The following LMF1 variants were observed in gnomAD, a reference collection of about 807,000 sequenced individuals.
LMF1 encodes the protein transmembrane protein 112.
In LMF1, 68 loss-of-function variants were observed where a neutral mutation model predicts 60.6. That is an observed-to-expected ratio of 1.12 (90% confidence interval 0.92 to 1.37). The LOEUF (loss-of-function observed/expected upper bound fraction) is 1.37, where lower values mean the gene tolerates loss of function less well. Among genes scored for constraint, LMF1 ranks in the 40% most tolerant of loss-of-function variants. The pLI is 0.00. For missense variants in LMF1, 948 were observed against 767.2 expected (o/e 1.24, Z -2.78); for synonymous variants, 418 against 324.7 (o/e 1.29, Z -3.09).
At chr16:936,387 G>A (rs1385993253) in intron 2 of LMF1, among the ~76,000 whole-genome samples, 1 of 131,452 alleles carries the variant, frequency 7.6e-6, no homozygotes, top group Non-Finnish European at 1.6e-5. Flanking sequence ...GTACCCCGTG[G>A]GCTGAGGAAG....
upstream of LMF1, among the ~76,000 whole-genome samples, chr16:972,112 CTG>C (rs1471673177): frequency 6.6e-6 from 1 of 152,198 alleles, no homozygotes; most frequent in Non-Finnish European, 1.5e-5. Flanking sequence ...CAGGGACTGA[CTG>C]TGGACATCGG....
chr16:860,875 G>A (rs537164387), intron 10 of LMF1, among the ~76,000 whole-genome samples: 4 of 152,296 alleles, frequency 2.6e-5, no homozygotes, highest in East Asian at 3.9e-4. Flanking sequence ...GTTGACTACT[G>A]TAGTTCTGTG....
intron 1 of LMF1, chr16:980,492 T>C (rs572608336): frequency 1.3e-5 from 2 of 152,154 alleles, no homozygotes; most frequent in African/African-American, 2.4e-5. Context: ...CGTGGCTCAG[T>C]GGCTGCAGCG....
rs867879066 is a variant in LMF1 at position 925,029 on chromosome 16, G to A, written c.514+9215C>T. The stretch of plus-strand genomic sequence containing the variant: ...GAGGAGCGGGTGCAGTCAGACCCCC[G>A]TCCGCAGAGTGCTGGGTGCGAGTCC... On this transcript the variant is annotated intron_variant, in intron 3 of 10. Transcript: ENST00000262301. Among the ~76,000 whole-genome samples the A allele has an allele frequency of 2.2e-4, 33 of 152,220 alleles. 1 individual carries two copies. The highest frequency in any genetic ancestry group is 7.2e-4 in the African/African-American group (30 of 41,462).
At chr16:859,838 A>C (rs1322709569) in intron 10 of LMF1, among the ~76,000 whole-genome samples, 2 of 76,842 alleles carry the variant, frequency 2.6e-5, no homozygotes, top group Non-Finnish European at 4.9e-5. Context: ...GATGGGTGTG[A>C]GTGGTGTCAC....
chr16:853,658 A>T lies in LMF1; in HGVS notation c.*874T>A, dbSNP rs1327909611. 2.2e-6 allele frequency: 1 copy of T among 453,166 alleles called. No homozygotes were observed. Among genetic ancestry groups the T allele is most frequent in the Non-Finnish European group, 4.4e-6 (1 of 225,934 alleles). 28.1% of individuals were successfully genotyped at this position (453,166 alleles called of 1,614,324 possible). On this transcript the variant is annotated 3_prime_UTR_variant, in exon 11 of 11. Coordinates refer to ENST00000262301, the MANE Select transcript of LMF1 (RefSeq NM_022773.4). ...GTTTTCGAGTAAGCTGGTAAGTGGTATAATAGGAATAGTAGAAGAATATGC... is the reference window on the plus strand; with the variant it reads ...GTTTTCGAGTAAGCTGGTAAGTGGTTTAATAGGAATAGTAGAAGAATATGC...
In LMF1 at chr16:970,908, G is replaced by GATCCGAGTACCCAGTCTTCCGCCTCCTC; in HGVS notation, c.45_72dup (p.Pro25GlufsTer13). ...GGCGCGGGCGGCGACTCAGGCTCCG[G>GATCCGAGTACCCAGTCTTCCGCCTCCTC]ATCCGAGTACCCAGTCTTCCGCCTC... On this transcript the variant is annotated frameshift_variant, in exon 1 of 11. Coordinates refer to ENST00000262301, the MANE Select transcript of LMF1 (RefSeq NM_022773.4). LOFTEE classifies it high-confidence loss of function. 6.3e-7 allele frequency: 1 copy of GATCCGAGTACCCAGTCTTCCGCCTCCTC among 1,582,574 alleles called. No individual in the cohort carries two copies. The highest frequency in any genetic ancestry group is 1.4e-5 in the African/African-American group (1 of 72,574).
At chr16:861,149 T>C (rs374750945) in intron 10 of LMF1, among the ~76,000 whole-genome samples, 11 of 152,194 alleles carry the variant, frequency 7.2e-5, no homozygotes, top group Admixed American at 3.9e-4. Flanking sequence ...TTCAGCAGCA[T>C]TGCTGAGTTT....
chr16:969,351 A>C (rs1596175225), intron 1 of LMF1, among the ~76,000 whole-genome samples: 1 of 152,054 alleles, frequency 6.6e-6, no homozygotes, highest in East Asian at 1.9e-4. Flanking sequence ...TAGTTGCTTT[A>C]AAGAAAGAGA....
chr16:917,945 C>T (rs976081784), intron 3 of LMF1, among the ~76,000 whole-genome samples: 4 of 152,232 alleles, frequency 2.6e-5, no homozygotes, highest in African/African-American at 7.2e-5. Flanking sequence ...CCATGTCTCA[C>T]GTCCTGAGGA....
intron 3 of LMF1, among the ~76,000 whole-genome samples, chr16:916,539 C>T (rs1214346111): frequency 1.3e-5 from 2 of 152,214 alleles, no homozygotes; most frequent in East Asian, 1.9e-4. Flanking sequence ...TACAGACGCC[C>T]CTGGGGCTGG....
In LMF1 at chr16:943,726, CAA is replaced by C. The variant is rs3057499; in HGVS notation, c.504-9474_504-9473del. ...TGGGGGACAGAATGAGACTCTGTCT[CAA>C]AAAAAAAAAAAAAAAAAAAAAAGAG... On this transcript the variant is annotated intron_variant, in intron 2 of 10. Coordinates refer to ENST00000262301, the MANE Select transcript of LMF1 (RefSeq NM_022773.4). Among the ~76,000 whole-genome samples, 10 of 56,814 alleles carry C rather than the reference CAA, an allele frequency of 1.8e-4. No homozygotes were observed. In the South Asian group the frequency reaches 3.4e-3, roughly 19 times the overall value. 37.3% of individuals were successfully genotyped at this position (56,814 alleles called of 152,430 possible).
rs2069110184 is a variant in LMF1 at position 853,756 on chromosome 16, G to A, written c.*776C>T. On this transcript the variant is annotated 3_prime_UTR_variant, in exon 11 of 11. Coordinates refer to ENST00000262301, the MANE Select transcript of LMF1 (RefSeq NM_022773.4). The stretch of plus-strand genomic sequence containing the variant: ...CTGTTTGTCCGACGATGATGAAAGT[G>A]TGCACGGCCGGCTGTCCTCCGATTG... 1 of 454,032 alleles carries A rather than the reference G, an allele frequency of 2.2e-6. No individual in the cohort carries two copies. The highest frequency in any genetic ancestry group is 4.4e-6 in the Non-Finnish European group (1 of 226,808). 28.1% of individuals were successfully genotyped at this position (454,032 alleles called of 1,614,324 possible).
At chr16:931,623 C>G (rs2151783536) in intron 3 of LMF1, 1 of 1,284,474 alleles carries the variant, frequency 7.8e-7, no homozygotes, top group Non-Finnish European at 1.0e-6. Context: ...GTTCTGAGGC[C>G]CAGCACCCGG....
intron 2 of LMF1, 191 bp from the exon 3 acceptor site, chr16:934,445 G>A (rs1405451753): frequency 1.6e-6 from 1 of 632,436 alleles, no homozygotes; most frequent in Non-Finnish European, 2.8e-6. Flanking sequence ...ACACAGGCAG[G>A]CCCAGAACAG....
At chr16:877,340 ACT>A (rs1205487959) in intron 6 of LMF1, among the ~76,000 whole-genome samples, 3 of 152,030 alleles carry the variant, frequency 2.0e-5, no homozygotes, top group Admixed American at 2.0e-4. Flanking sequence ...AGGAATGGAA[ACT>A]CTGCGTGTCC....
At chr16:868,867 AG>A in intron 10 of LMF1, 76 bp downstream of exon 10, 2 of 901,042 alleles carry the variant, frequency 2.2e-6, no homozygotes. Context: ...GTGGGGGTGC[AG>A]GTACAGGTGG....
At chr16:925,684 C>T (rs377472458) in intron 3 of LMF1, among the ~76,000 whole-genome samples, 6 of 152,252 alleles carry the variant, frequency 3.9e-5, no homozygotes, top group Non-Finnish European at 7.4e-5. Flanking sequence ...TGCAATGAGC[C>T]GTGATTGTGC....
chr16:869,738 A>G (rs2069720982), intron 9 of LMF1, 145 bp downstream of exon 9: 5 of 870,676 alleles, frequency 5.7e-6, no homozygotes, highest in African/African-American at 1.7e-5. Flanking sequence ...GTGTGGGCTC[A>G]GTTCTCAGCT....
Sources: allele counts gnomAD v4.1 joint callset (sites outside exome capture counted in the v4.1 genomes callset), GRCh38; gene constraint gnomAD v4.1.1; transcripts MANE v1.5; gene names NCBI Gene and HGNC (gene_info 2026-07-23, HGNC 2026-07-21).